ATXN10: variants seen among roughly 807,000 people sequenced by gnomAD.
ATXN10 encodes the protein ataxin-10.
In ATXN10, 28 loss-of-function variants were observed where a neutral mutation model predicts 52.9. The ratio of observed to expected loss-of-function variants is 0.53; its 90% CI spans 0.39 to 0.73. ATXN10 has a LOEUF of 0.73. Ranked by LOEUF, ATXN10 falls within the 30% of genes least tolerant of loss-of-function variation. ATXN10 has a pLI of 0.00. For missense variants in ATXN10, 565 were observed against 577.0 expected (o/e 0.98, Z 0.21); for synonymous variants, 226 against 221.5 (o/e 1.02, Z -0.18).
At position 45,783,827 on chromosome 22, in the gene ATXN10, C is replaced by G. The variant is rs776349497; in HGVS notation, c.1174-23132C>G. Among the ~76,000 whole-genome samples the G allele has an allele frequency of 6.6e-6, 1 of 152,174 alleles. No individual in the cohort carries two copies. Among genetic ancestry groups the G allele is most frequent in the Non-Finnish European group, 1.5e-5 (1 of 68,044 alleles). On this transcript the variant is annotated intron_variant, in intron 9 of 11. Coordinates refer to ENST00000252934, the MANE Select transcript of ATXN10 (RefSeq NM_013236.4). The surrounding 1 kb of genome is among the most constrained non-coding windows in gnomAD (Gnocchi z 5.0). ...GTCTTGGAAAAAGGACCTGAAAGTG[C>G]TGTTGTCATGTTTGTGTCATGCTGA... is the stretch of plus-strand genomic sequence containing the variant.
At chr22:45,724,123 T>A (rs1924773953) in intron 6 of ATXN10, among the ~76,000 whole-genome samples, 1 of 152,168 alleles carries the variant, frequency 6.6e-6, no homozygotes, top group Non-Finnish European at 1.5e-5. Flanking sequence ...ATCTTTGCAA[T>A]TGTGAATTGT....
chr22:45,697,022 A>G (rs1923634254), intron 3 of ATXN10, among the ~76,000 whole-genome samples: 1 of 152,152 alleles, frequency 6.6e-6, no homozygotes, highest in South Asian at 2.1e-4. Context: ...TATGAGTTTA[A>G]TTGTTTTTTA....
intron 9 of ATXN10, among the ~76,000 whole-genome samples, chr22:45,773,284 G>A (rs989735325): frequency 2.6e-5 from 4 of 152,012 alleles, no homozygotes; most frequent in African/African-American, 9.7e-5. Context: ...TGTGAATAAG[G>A]ATGAAGTTTT....
rs533564616 is a variant in ATXN10, at chr22:45,790,072, A to G, written c.1174-16887A>G. 2.0e-5 allele frequency among the ~76,000 whole-genome samples: 3 copies of G among 152,374 alleles called. No homozygotes were observed. The highest frequency in any genetic ancestry group is 1.3e-4 in the Admixed American group (2 of 15,314). ...ATTTCCAGAGAGATATTAAAATCCA[A>G]AGATAACATTGCATTTTAAATTAAA... On this transcript the variant is annotated intron_variant, in intron 9 of 11. Coordinates refer to ENST00000252934, the MANE Select transcript of ATXN10 (RefSeq NM_013236.4). The surrounding 1 kb of genome is among the most constrained non-coding windows in gnomAD (Gnocchi z 4.7).
At chr22:45,729,283 C>A in intron 6 of ATXN10, 142 bp from the exon 7 acceptor site, 1 of 800,210 alleles carries the variant, frequency 1.2e-6, no homozygotes, top group South Asian at 1.7e-5. Context: ...TAACTTTATT[C>A]ATGTTTTTCC....
chr22:45,675,706 T>C (rs1259464772), intron 1 of ATXN10: 1 of 152,200 alleles, frequency 6.6e-6, no homozygotes, highest in Non-Finnish European at 1.5e-5. Context: ...CTCAGATCTG[T>C]GTGAGATCAT....
intron 10 of ATXN10, among the ~76,000 whole-genome samples, chr22:45,821,367 AC>A (rs1928643410): frequency 6.6e-6 from 1 of 150,728 alleles, no homozygotes; most frequent in South Asian, 2.1e-4. Flanking sequence ...AAAAAAAAAA[AC>A]GAACCTAGCA....
chr22:45,738,646 T>G (rs778413050), intron 7 of ATXN10, 85 bp from the exon 8 acceptor site: 36 of 1,139,052 alleles, frequency 3.2e-5, no homozygotes, highest in Non-Finnish European at 4.2e-5. Flanking sequence ...TTTATTGAAA[T>G]ATTTTATTCT....
rs1928616247 is a variant in ATXN10 at position 45,820,682 on chromosome 22, T to C, written c.1237+13660T>C. 6.6e-6 allele frequency among the ~76,000 whole-genome samples: 1 copy of C among 152,216 alleles called. No homozygotes were observed. The highest frequency in any genetic ancestry group is 1.5e-5 in the Non-Finnish European group (1 of 68,032). ...TTACCATTCTTTAGTCTTAAAATCT[T>C]CATTGAGGTCAAGAGAAAAGATGTT... On this transcript the variant is annotated intron_variant, in intron 10 of 11. Coordinates refer to ENST00000252934, the MANE Select transcript of ATXN10 (RefSeq NM_013236.4). This position sits in a 1 kb window ranked among gnomAD's most constrained non-coding sequence, Gnocchi z 4.9.
chr22:45,738,520 T>A, intron 7 of ATXN10: 1 of 534,990 alleles, frequency 1.9e-6, no homozygotes, highest in South Asian at 2.3e-5. Flanking sequence ...GCATTCTTGA[T>A]GGCAGATGTC....
chr22:45,689,853 G>A lies in ATXN10; in HGVS notation c.258G>A (p.Arg86=). ...TGCAGTTAATAACAGAATGCTTCAG[G>A]TGTCTTCGCAATGCTTGCATAGAGT... The part of the protein sequence containing the change: ...SSLQLITECF[R]CLRNACIECS... The change falls in exon 2 of 12, where the codon AGG becomes AGA. Residue 86 remains arginine, a synonymous_variant. Coordinates refer to ENST00000252934, the MANE Select transcript of ATXN10 (RefSeq NM_013236.4). The A allele has an allele frequency of 1.9e-6, 3 of 1,614,158 alleles. No individual in the cohort carries two copies. Among genetic ancestry groups the A allele is most frequent in the Non-Finnish European group, 2.5e-6 (3 of 1,180,028 alleles).
chr22:45,731,317 G>A (rs1925081086), intron 7 of ATXN10, among the ~76,000 whole-genome samples: 1 of 152,190 alleles, frequency 6.6e-6, no homozygotes, highest in Non-Finnish European at 1.5e-5. Context: ...TAGATCAGAT[G>A]TCACCTGGGT....
chr22:45,677,290 T>C lies in ATXN10; in HGVS notation c.116+5111T>C, dbSNP rs948153840. The C allele has an allele frequency of 6.6e-6, 1 of 152,180 alleles. No individual in the cohort carries two copies. Among genetic ancestry groups the C allele is most frequent in the Non-Finnish European group, 1.5e-5 (1 of 68,034 alleles). The allele number at this position is 152,180 out of a possible 1,614,324, so 9.4% of individuals were successfully genotyped here. A position where few individuals can be genotyped will look rare whatever the true frequency, so the allele number is the denominator to read the frequency against. ...TGTATGCCTGGCATCTAGCATAGAG[T>C]TGATAGTGGCAGATGCTTATCAGTT... On this transcript the variant is annotated intron_variant, in intron 1 of 11. Coordinates refer to ENST00000252934, the MANE Select transcript of ATXN10 (RefSeq NM_013236.4). This position sits in a 1 kb window ranked among gnomAD's most constrained non-coding sequence, Gnocchi z 4.1.
Position 45,842,968 on chromosome 22 carries a change from A to G in ATXN10, c.1238-23A>G, listed in dbSNP as rs375979565. Reference sequence around the variant, plus strand: ...TTATCAAACAGGAAAGTACGTTGTCACATTCCTTCACTCTGGCTCCAGTTC... The same window carrying G: ...TTATCAAACAGGAAAGTACGTTGTCGCATTCCTTCACTCTGGCTCCAGTTC... On this transcript the variant is annotated intron_variant, in intron 10 of 11. Coordinates refer to ENST00000252934, the MANE Select transcript of ATXN10 (RefSeq NM_013236.4). The surrounding 1 kb of genome is among the most constrained non-coding windows in gnomAD (Gnocchi z 4.8). 41 of 1,612,884 alleles carry G rather than the reference A, an allele frequency of 2.5e-5. No individual in the cohort carries two copies. The highest frequency in any genetic ancestry group is 3.2e-5 in the Non-Finnish European group (38 of 1,178,878).
At chr22:45,799,178 C>G (rs1472974908) in intron 9 of ATXN10, among the ~76,000 whole-genome samples, 3 of 151,998 alleles carry the variant, frequency 2.0e-5, no homozygotes, top group African/African-American at 4.8e-5. Context: ...TCAAGAGATT[C>G]TCCTGCCTCA....
At position 45,770,394 on chromosome 22, in the gene ATXN10, GA is replaced by G. The variant is rs902174740; in HGVS notation, c.1173+29857del. 2.6e-5 allele frequency among the ~76,000 whole-genome samples: 4 copies of G among 152,200 alleles called. No homozygotes were observed. The highest frequency in any genetic ancestry group is 1.3e-4 in the Admixed American group (2 of 15,276). Reference sequence around the variant, plus strand: ...TGGTTGGGACAGGTGATGTGAAAAAGAGGGGGGTATGTGATGAATATACACA... The same window carrying G: ...TGGTTGGGACAGGTGATGTGAAAAAGGGGGGGTATGTGATGAATATACACA... On this transcript the variant is annotated intron_variant, in intron 9 of 11. Transcript: ENST00000252934. The surrounding 1 kb of genome is among the most constrained non-coding windows in gnomAD (Gnocchi z 4.5).
chr22:45,825,859 C>T lies in ATXN10; in HGVS notation c.1238-17132C>T, dbSNP rs546653371. On this transcript the variant is annotated intron_variant, in intron 10 of 11. Transcript: ENST00000252934. The surrounding 1 kb of genome is among the most constrained non-coding windows in gnomAD (Gnocchi z 4.5). ...CCTACCAGGGCAGATGGCTTGAGCTCAGGAGTTTGAGACCAGCCTGGTAAC... is the reference window on the plus strand; with the variant it reads ...CCTACCAGGGCAGATGGCTTGAGCTTAGGAGTTTGAGACCAGCCTGGTAAC... Among the ~76,000 whole-genome samples the T allele has an allele frequency of 1.8e-3, 281 of 152,256 alleles. 3 individuals carry two copies. The highest frequency in any genetic ancestry group is 6.2e-3 in the African/African-American group (256 of 41,546).
Position 45,698,780 on chromosome 22 carries a change from G to A in ATXN10, c.392-1502G>A, listed in dbSNP as rs576083069. The stretch of plus-strand genomic sequence containing the variant: ...TAGTGAAATGACCGAATTTTAGTTG[G>A]AATTCAGCAATGAAATTTGGATTCA... On this transcript the variant is annotated intron_variant, in intron 3 of 11. Transcript: ENST00000252934. Among the ~76,000 whole-genome samples, 274 of 152,290 alleles carry A rather than the reference G, an allele frequency of 1.8e-3. 1 individual carries two copies. Among genetic ancestry groups the A allele is most frequent in the Non-Finnish European group, 2.9e-3 (196 of 68,014 alleles).
chr22:45,698,935 C>T (rs1337259189), intron 3 of ATXN10, among the ~76,000 whole-genome samples: 2 of 152,242 alleles, frequency 1.3e-5, no homozygotes, highest in African/African-American at 2.4e-5. Context: ...GAACTTTATT[C>T]TAGGTAGATT....
Sources: allele counts gnomAD v4.1 joint callset (sites outside exome capture counted in the v4.1 genomes callset), GRCh38; gene constraint gnomAD v4.1.1; non-coding constraint Gnocchi (gnomAD v3.1); transcripts MANE v1.5; gene names NCBI Gene and HGNC (gene_info 2026-07-23, HGNC 2026-07-21).